Variants in CAMTA1 observed in about 807,000 individuals in gnomAD.
CAMTA1 encodes the protein calmodulin binding transcription activator 1.
CAMTA1 carries 27 observed loss-of-function variants against 170.9 expected under a neutral mutation model. That is an observed-to-expected ratio of 0.16 (90% CI 0.12 to 0.22). CAMTA1 has a LOEUF of 0.22. Among genes scored for constraint, CAMTA1 ranks in the 10% least tolerant of loss-of-function variants. The pLI is 1.00. For synonymous variants in CAMTA1, 833 were observed against 891.5 expected, an observed-to-expected ratio of 0.93 and a Z score of 1.17; for missense variants, 1,619 against 2,217.2, an observed-to-expected ratio of 0.73 and a Z score of 5.42.
chr1:6,795,690 CT>C (rs1283173659), intron 1 of CAMTA1, among the ~76,000 whole-genome samples: 1 of 151,976 alleles, frequency 6.6e-6, no homozygotes, highest in Non-Finnish European at 1.5e-5. Context: ...TACGAAATGA[CT>C]TTGGTGTTTT....
intron 3 of CAMTA1, among the ~76,000 whole-genome samples, chr1:6,997,756 G>T (rs1203087528): frequency 6.7e-6 from 1 of 149,404 alleles, no homozygotes; most frequent in Non-Finnish European, 1.5e-5. Context: ...CACCTCCCGG[G>T]TTCAAGCGAT....
At chr1:7,486,099 C>G (rs1456573104) in intron 6 of CAMTA1, among the ~76,000 whole-genome samples, 1 of 152,232 alleles carries the variant, frequency 6.6e-6, no homozygotes, top group Non-Finnish European at 1.5e-5. Flanking sequence ...TTGCCTCTTT[C>G]AGGAAGAGAC....
intron 5 of CAMTA1, among the ~76,000 whole-genome samples, chr1:7,403,408 C>T (rs2090056217): frequency 6.6e-6 from 1 of 152,070 alleles, no homozygotes. Flanking sequence ...GTGAGGGAGG[C>T]AGATACAAAC....
At chr1:7,639,283 C>A (rs559041415) in intron 6 of CAMTA1, among the ~76,000 whole-genome samples, 1 of 152,330 alleles carries the variant, frequency 6.6e-6, no homozygotes, top group Admixed American at 6.5e-5. Context: ...CCGGCCCAAA[C>A]TGGTCCTTTT....
intron 5 of CAMTA1, among the ~76,000 whole-genome samples, chr1:7,369,790 G>T (rs2086297393): frequency 6.6e-6 from 1 of 152,156 alleles, no homozygotes; most frequent in Non-Finnish European, 1.5e-5. Context: ...TTATCACATT[G>T]TTAGACTCTC....
At chr1:7,245,454 G>T (rs932574250) in intron 4 of CAMTA1, among the ~76,000 whole-genome samples, 4 of 151,610 alleles carry the variant, frequency 2.6e-5, no homozygotes, top group African/African-American at 9.7e-5. Context: ...ATAGCTTATA[G>T]ATATTATATA....
intron 4 of CAMTA1, among the ~76,000 whole-genome samples, chr1:7,156,499 A>G (rs112563583): frequency 3.3e-5 from 5 of 152,280 alleles, no homozygotes; most frequent in African/African-American, 1.2e-4. Flanking sequence ...TCCCTTCAAA[A>G]TGAGCTCCCT....
intron 5 of CAMTA1, among the ~76,000 whole-genome samples, chr1:7,316,139 C>T (rs1487813272): frequency 6.6e-6 from 1 of 152,142 alleles, no homozygotes; most frequent in Non-Finnish European, 1.5e-5. Flanking sequence ...GGGAAACAAC[C>T]TGCGGTGATC....
In CAMTA1 at chr1:7,562,381, C is replaced by T. The variant is rs2094969336; in HGVS notation, c.511-78019C>T. On this transcript the variant is annotated intron_variant, in intron 6 of 22. Coordinates refer to ENST00000303635, the MANE Select transcript of CAMTA1 (RefSeq NM_015215.4). This position sits in a 1 kb window ranked among gnomAD's most constrained non-coding sequence, Gnocchi z 4.8. The stretch of plus-strand genomic sequence containing the variant: ...CTCAGTTGGGTATCAGGGCTGGTGG[C>T]AGCAGCAGGGCAGGCCGCGGCAGCT... 1.3e-5 allele frequency among the ~76,000 whole-genome samples: 2 copies of T among 152,316 alleles called. No homozygotes were observed. The highest frequency in any genetic ancestry group is 1.9e-4 in the East Asian group (1 of 5,172).
rs776496471 is a variant in CAMTA1 at position 7,435,682 on chromosome 1, C to T, written c.439-32148C>T. The stretch of plus-strand genomic sequence containing the variant: ...TTCTGACCAGGCAAGGGCTGGCCGC[C>T]GTTCTCATGGCTGAAGGGTACTCAG... On this transcript the variant is annotated intron_variant, in intron 5 of 22. Coordinates refer to ENST00000303635, the MANE Select transcript of CAMTA1 (RefSeq NM_015215.4). The surrounding 1 kb of genome is among the most constrained non-coding windows in gnomAD (Gnocchi z 4.4). Among the ~76,000 whole-genome samples the T allele has an allele frequency of 1.3e-5, 2 of 152,182 alleles. No individual in the cohort carries two copies. Among genetic ancestry groups the T allele is most frequent in the Non-Finnish European group, 2.9e-5 (2 of 68,034 alleles).
intron 5 of CAMTA1, among the ~76,000 whole-genome samples, chr1:7,465,526 G>A (rs1347325722): frequency 3.9e-5 from 6 of 152,140 alleles, no homozygotes; most frequent in African/African-American, 9.7e-5. Flanking sequence ...GGTTAGAGGA[G>A]TATCTAAAAA....
intron 11 of CAMTA1, among the ~76,000 whole-genome samples, chr1:7,684,945 G>A (rs1333841942): frequency 1.3e-5 from 2 of 152,198 alleles, no homozygotes. Context: ...TGCCCTAGGT[G>A]TTGTGAGAAG....
rs1216564199 is a variant in CAMTA1, at chr1:7,286,817, A to G, written c.438+37191A>G. Among the ~76,000 whole-genome samples, 1 of 152,212 alleles carries G rather than the reference A, an allele frequency of 6.6e-6. No individual in the cohort carries two copies. The highest frequency in any genetic ancestry group is 2.4e-5 in the African/African-American group (1 of 41,460). On this transcript the variant is annotated intron_variant, in intron 5 of 22. Transcript: ENST00000303635. The surrounding 1 kb of genome is among the most constrained non-coding windows in gnomAD (Gnocchi z 4.2). ...CTTCTGAGTAGTAAGATATCAGGCAAGTTATTTAACTTTCCTAAGCCTCAG... is the reference window on the plus strand; with the variant it reads ...CTTCTGAGTAGTAAGATATCAGGCAGGTTATTTAACTTTCCTAAGCCTCAG...
intron 6 of CAMTA1, among the ~76,000 whole-genome samples, chr1:7,485,378 A>T (rs926902657): frequency 3.3e-5 from 5 of 152,118 alleles, no homozygotes; most frequent in African/African-American, 1.2e-4. Context: ...GCTCCCTGCC[A>T]CATGCTGCTC....
intron 4 of CAMTA1, among the ~76,000 whole-genome samples, chr1:7,106,989 C>A (rs915616852): frequency 6.6e-6 from 1 of 151,916 alleles, no homozygotes; most frequent in Non-Finnish European, 1.5e-5. Flanking sequence ...TCGTGGAAAC[C>A]GCCAGGGACA....
intron 5 of CAMTA1, among the ~76,000 whole-genome samples, chr1:7,294,141 C>T (rs1673579134): frequency 6.6e-6 from 1 of 152,148 alleles, no homozygotes; most frequent in Non-Finnish European, 1.5e-5. Context: ...TGGGGGTGCT[C>T]AAGCTGGGGC....
chr1:6,883,587 G>A (rs529475393), intron 3 of CAMTA1, among the ~76,000 whole-genome samples: 1 of 152,306 alleles, frequency 6.6e-6, no homozygotes, highest in African/African-American at 2.4e-5. Context: ...TGTGGTCTAA[G>A]CCAGGCAAGG....
chr1:7,704,352 C>A (rs1290042310), intron 11 of CAMTA1, among the ~76,000 whole-genome samples: 1 of 145,994 alleles, frequency 6.8e-6, no homozygotes, highest in African/African-American at 2.5e-5. Flanking sequence ...GCGGGCGCAG[C>A]CGTCGGGCTC....
In CAMTA1 at chr1:7,664,037, C is replaced by T. The variant is rs1241327779; in HGVS notation, c.1490C>T (p.Thr497Met). The change falls in exon 9 of 23, where the codon ACG becomes ATG. Residue 497 changes from threonine (T) to methionine (M), a missense_variant. Physicochemically the swap from Thr to Met is moderately conservative, Grantham distance 81. Coordinates refer to ENST00000303635, the MANE Select transcript of CAMTA1 (RefSeq NM_015215.4). The stretch of plus-strand genomic sequence containing the variant: ...CTTAATAACCCAAAGCAGGGCCAGA[C>T]GTACGGGGGTGGAGGCCTGAAAGCC... ...CFLNNPKQGQTYGGGGLKAEM... is the reference protein window; with the variant it reads ...CFLNNPKQGQMYGGGGLKAEM... 5.6e-6 allele frequency: 9 copies of T among 1,613,812 alleles called. No individual in the cohort carries two copies. The highest frequency in any genetic ancestry group is 2.7e-5 in the African/African-American group (2 of 74,942).
Sources: allele counts gnomAD v4.1 joint callset (sites outside exome capture counted in the v4.1 genomes callset), GRCh38; gene constraint gnomAD v4.1.1; non-coding constraint Gnocchi (gnomAD v3.1); transcripts MANE v1.5; gene names NCBI Gene and HGNC (gene_info 2026-07-23, HGNC 2026-07-21).